The following PDE4DIP variants were observed in gnomAD, a reference collection of about 807,000 sequenced individuals.
PDE4DIP encodes the protein phosphodiesterase 4D interacting protein.
PDE4DIP carries 59 observed loss-of-function variants against 221.4 expected under a neutral mutation model. The ratio of observed to expected loss-of-function variants is 0.27; its 90% CI spans 0.22 to 0.33. The LOEUF (loss-of-function observed/expected upper bound fraction) is 0.33. Ranked by LOEUF, PDE4DIP falls within the 10% of genes least tolerant of loss-of-function variation. The probability of loss-of-function intolerance (pLI) is 1.00; values close to 1 mark genes in which losing one functional copy is unlikely to be tolerated. For missense variants in PDE4DIP, 1,036 were observed against 2,154.2 expected (o/e 0.48, Z 10.28); for synonymous variants, 404 against 815.9 (o/e 0.50, Z 8.60).
intron 21 of PDE4DIP, among the ~76,000 whole-genome samples, chr1:148,987,258 G>A (rs1450819204): frequency 6.6e-6 from 1 of 152,132 alleles, no homozygotes; most frequent in African/African-American, 2.4e-5. Flanking sequence ...AATCTGTCTA[G>A]ATAGAGAATT....
chr1:148,985,184 T>C (rs1553548177), intron 21 of PDE4DIP: 2 of 152,112 alleles, frequency 1.3e-5, no homozygotes, highest in Non-Finnish European at 2.9e-5. Flanking sequence ...GGGTTAAAGC[T>C]CAGTGAGCTT....
At chr1:148,975,469 A>G (rs1185301402) in intron 17 of PDE4DIP, among the ~76,000 whole-genome samples, 5 of 150,916 alleles carry the variant, frequency 3.3e-5, no homozygotes, top group Non-Finnish European at 7.4e-5. Context: ...GAGAATAGTC[A>G]TGTAACTAAT....
At chr1:149,000,410 CT>C in intron 23 of PDE4DIP, among the ~76,000 whole-genome samples, 1 of 152,108 alleles carries the variant, frequency 6.6e-6, no homozygotes, top group East Asian at 1.9e-4. Flanking sequence ...CAAAAGTTAG[CT>C]GGGCGTGGTG....
chr1:148,870,841 C>T (rs1488863198), intron 3 of PDE4DIP, among the ~76,000 whole-genome samples: 6 of 148,682 alleles, frequency 4.0e-5, no homozygotes, highest in Non-Finnish European at 9.0e-5. Flanking sequence ...GAGATAGGAA[C>T]ACATTCCTAT....
intron 5 of PDE4DIP, among the ~76,000 whole-genome samples, chr1:148,948,728 A>AG (rs2052418046): frequency 6.6e-6 from 1 of 151,292 alleles, no homozygotes; most frequent in South Asian, 2.1e-4. Context: ...GCCCAGTTCA[A>AG]TGAGCTTCAA....
chr1:148,861,743 C>T (rs1440327304), intron 1 of PDE4DIP, among the ~76,000 whole-genome samples: 3 of 86,358 alleles, frequency 3.5e-5, no homozygotes, highest in Admixed American at 3.1e-4. Context: ...CTATTGAAAG[C>T]ATCTTTCTGT....
intron 4 of PDE4DIP, among the ~76,000 whole-genome samples, chr1:148,933,865 G>T (rs587726561): frequency 0.023 from 3,465 of 150,568 alleles, 126 homozygotes; most frequent in African/African-American, 0.08. Context: ...TGCCAGGCTA[G>T]TAATAATAAT....
chr1:148,978,024 A>G (rs781789996), exon 18 of PDE4DIP: 1 of 1,614,042 alleles, frequency 6.2e-7, no homozygotes, highest in South Asian at 1.1e-5. Flanking sequence ...TCTGACCAGG[A>G]ACATACAGAT....
chr1:148,822,109 G>A, intron 1 of PDE4DIP, among the ~76,000 whole-genome samples: 1 of 129,454 alleles, frequency 7.7e-6, no homozygotes, highest in East Asian at 2.3e-4. Context: ...CACTCATTAT[G>A]AGGGTGGGAG....
At chr1:148,813,798 A>G (rs1667068355) in intron 1 of PDE4DIP, among the ~76,000 whole-genome samples, 1 of 117,102 alleles carries the variant, frequency 8.5e-6, no homozygotes, top group Admixed American at 8.0e-5. Context: ...TTTTGCATGT[A>G]GATGTACAGT....
chr1:148,913,749 G>T (rs1207791260), intron 1 of PDE4DIP, among the ~76,000 whole-genome samples: 1 of 109,112 alleles, frequency 9.2e-6, no homozygotes, highest in East Asian at 2.4e-4. Flanking sequence ...CAATGGATTG[G>T]ATACAGAATG....
chr1:148,938,273 T>C (rs2049711595), intron 5 of PDE4DIP: 2 of 161,408 alleles, frequency 1.2e-5, no homozygotes, highest in Non-Finnish European at 2.7e-5. Flanking sequence ...AAGGGGCTCA[T>C]TAGGGCAGGC....
exon 27 of PDE4DIP, chr1:149,005,110 C>G (rs782132254): frequency 1.2e-6 from 2 of 1,613,968 alleles, no homozygotes; most frequent in South Asian, 2.2e-5. Context: ...GATCTGAAGG[C>G]CCAGCTGCAG....
At chr1:148,869,971 T>C (rs1688571842) in intron 3 of PDE4DIP, among the ~76,000 whole-genome samples, 1 of 79,460 alleles carries the variant, frequency 1.3e-5, no homozygotes, top group Non-Finnish European at 2.4e-5. Context: ...CAAAAAATTT[T>C]GTGTTGACAT....
At chr1:149,018,026 ATC>A (rs2071292951) in intron 34 of PDE4DIP, 147 bp downstream of exon 37, 1 of 677,212 alleles carries the variant, frequency 1.5e-6, no homozygotes, top group Non-Finnish European at 2.6e-6. Flanking sequence ...TTCTGAATAT[ATC>A]TGAGTTTAGA....
intron 21 of PDE4DIP, among the ~76,000 whole-genome samples, chr1:148,988,032 C>T (rs1453049774): frequency 3.3e-5 from 5 of 152,200 alleles, no homozygotes; most frequent in Admixed American, 3.3e-4. Flanking sequence ...CCAAAGAGTT[C>T]AGCCAAAGAG....
At chr1:148,843,285 A>G (rs1231338248) in intron 1 of PDE4DIP, among the ~76,000 whole-genome samples, 1 of 10,052 alleles carries the variant, frequency 9.9e-5, no homozygotes, top group Non-Finnish European at 1.9e-4. Context: ...TCTCACCAAT[A>G]CCCAGGCATG....
At chr1:148,861,914 A>G (rs1284848212) in intron 1 of PDE4DIP, among the ~76,000 whole-genome samples, 6 of 97,140 alleles carry the variant, frequency 6.2e-5, no homozygotes, top group African/African-American at 2.9e-4. Flanking sequence ...AAAGGCTTCA[A>G]ACAGTCTGCG....
At chr1:149,029,289 T>G (rs1553633669) in intron 41 of PDE4DIP, among the ~76,000 whole-genome samples, 1 of 152,210 alleles carries the variant, frequency 6.6e-6, no homozygotes, top group Non-Finnish European at 1.5e-5. Context: ...GGGATTCTAC[T>G]TCCAGGTCAA....
Sources: gnomAD v4.1 joint callset for allele counts (sites outside exome capture counted in the v4.1 genomes callset) on GRCh38, gnomAD v4.1.1 for gene constraint, MANE v1.5 for transcripts, NCBI Gene and HGNC (gene_info 2026-07-23, HGNC 2026-07-21) for gene names.